IGSF5: variants seen among roughly 807,000 people sequenced by gnomAD.
IGSF5 encodes the protein immunoglobulin superfamily 5 like.
In IGSF5, 41 loss-of-function variants were observed where a neutral mutation model predicts 39.4. The ratio of observed to expected loss-of-function variants is 1.04; its 90% CI spans 0.81 to 1.35. The LOEUF (loss-of-function observed/expected upper bound fraction) is 1.35. IGSF5 is among the 40% of genes most tolerant of loss of function. IGSF5 has a pLI of 0.00. For synonymous variants in IGSF5, 183 were observed against 175.3 expected (o/e 1.04, Z -0.34); for missense variants, 487 against 494.6 (o/e 0.98, Z 0.15).
intron 2 of IGSF5, among the ~76,000 whole-genome samples, chr21:39,749,025 G>A (rs965681449): frequency 4.7e-5 from 7 of 148,746 alleles, no homozygotes; most frequent in African/African-American, 1.0e-4. Flanking sequence ...AAACATAAAA[G>A]ACAAATTAAC....
the IGSF5 span, among the ~76,000 whole-genome samples, chr21:39,713,424 T>C: frequency 6.6e-6 from 1 of 152,184 alleles, no homozygotes; most frequent in African/African-American, 2.4e-5. Flanking sequence ...TTTTTTCAAA[T>C]AGTGCATATT....
At chr21:39,739,337 G>C in the IGSF5 span, among the ~76,000 whole-genome samples, 3 of 151,982 alleles carry the variant, frequency 2.0e-5, no homozygotes, top group Non-Finnish European at 4.4e-5. Context: ...GACCCAAAGG[G>C]GGTTGCCGTT....
chr21:39,717,267 A>C, the IGSF5 span, among the ~76,000 whole-genome samples: 50 of 152,350 alleles, frequency 3.3e-4, no homozygotes, highest in African/African-American at 1.2e-3. Context: ...CATAGTTTGC[A>C]AATAGTTTTT....
the IGSF5 span, among the ~76,000 whole-genome samples, chr21:39,734,207 G>A: frequency 9.2e-5 from 14 of 152,098 alleles, no homozygotes; most frequent in Non-Finnish European, 2.1e-4. Flanking sequence ...GGTAGATCAC[G>A]AGGTCAGGAG....
At chr21:39,760,834 T>C (rs1229513276) in intron 2 of IGSF5, among the ~76,000 whole-genome samples, 40 of 152,200 alleles carry the variant, frequency 2.6e-4, no homozygotes, top group Admixed American at 2.5e-3. Context: ...CCTACCAAAG[T>C]GCTGGGATTA....
the IGSF5 span, among the ~76,000 whole-genome samples, chr21:39,719,614 AACAG>A: frequency 4.6e-5 from 7 of 152,304 alleles, no homozygotes; most frequent in East Asian, 1.4e-3. Context: ...AGACAGAAGA[AACAG>A]ACAGGAACTA....
At chr21:39,789,241 A>T (rs962098801) in intron 6 of IGSF5, among the ~76,000 whole-genome samples, 1 of 152,230 alleles carries the variant, frequency 6.6e-6, no homozygotes, top group East Asian at 1.9e-4. Flanking sequence ...TTGAAAGCAC[A>T]GTAAAGTGAT....
At chr21:39,738,244 T>C in the IGSF5 span, among the ~76,000 whole-genome samples, 2 of 152,178 alleles carry the variant, frequency 1.3e-5, no homozygotes, top group African/African-American at 2.4e-5. This position sits in a 1 kb window ranked among gnomAD's most constrained non-coding sequence, Gnocchi z 6.4. Context: ...ACCTCTTTCA[T>C]GGCAGTAGCA....
At chr21:39,757,769 G>C (rs1363325354) in intron 2 of IGSF5, among the ~76,000 whole-genome samples, 1 of 152,034 alleles carries the variant, frequency 6.6e-6, no homozygotes, top group Non-Finnish European at 1.5e-5. Context: ...TAGAGATGGG[G>C]TTTCGCCATG....
intron 8 of IGSF5, among the ~76,000 whole-genome samples, chr21:39,797,780 C>T (rs2087005757): frequency 6.6e-6 from 1 of 152,162 alleles, no homozygotes; most frequent in Non-Finnish European, 1.5e-5. Flanking sequence ...ATGGGCCTCC[C>T]AAAGCATTGG....
At chr21:39,717,410 C>G in the IGSF5 span, among the ~76,000 whole-genome samples, 1 of 152,114 alleles carries the variant, frequency 6.6e-6, no homozygotes, top group Admixed American at 6.6e-5. Context: ...GTCATGAAAT[C>G]TGCCTGTTCC....
chr21:39,779,465 T>C (rs193122544), intron 5 of IGSF5, among the ~76,000 whole-genome samples, 160 bp downstream of exon 5: 131 of 152,340 alleles, frequency 8.6e-4, no homozygotes, highest in African/African-American at 3.0e-3. Context: ...GGGATGTAAA[T>C]TGTTACAGCC....
intron 4 of IGSF5, among the ~76,000 whole-genome samples, chr21:39,772,229 G>A (rs1024503947): frequency 3.9e-5 from 6 of 152,136 alleles, no homozygotes; most frequent in Non-Finnish European, 5.9e-5. Context: ...CAAGGTGACC[G>A]GGACAGTGCT....
the IGSF5 span, among the ~76,000 whole-genome samples, chr21:39,715,967 A>C: frequency 6.6e-6 from 1 of 152,218 alleles, no homozygotes; most frequent in Non-Finnish European, 1.5e-5. Context: ...TTTCTCATTC[A>C]GTATATCACC....
chr21:39,720,866 GAATCTAA>G, the IGSF5 span, among the ~76,000 whole-genome samples: 1 of 152,016 alleles, frequency 6.6e-6, no homozygotes, highest in South Asian at 2.1e-4. Flanking sequence ...CTTTTTTTGT[GAATCTAA>G]AACTACTCTA....
Position 39,783,775 on chromosome 21 carries a change from T to C in IGSF5, c.935-4392T>C, listed in dbSNP as rs151026330. 4.0e-4 allele frequency among the ~76,000 whole-genome samples: 61 copies of C among 152,336 alleles called. 2 individuals carry two copies. In the East Asian group the frequency reaches 0.012, roughly 29 times the overall value. ...TTTGTTGCCTGTGATTTTGAAGACT[T>C]AGCCATAAAATCTTTGTCTAGGCCA... On this transcript the variant is annotated intron_variant, in intron 5 of 8. Coordinates refer to ENST00000380588, the MANE Select transcript of IGSF5 (RefSeq NM_001080444.2).
At chr21:39,787,615 A>T (rs2086931149) in intron 5 of IGSF5, among the ~76,000 whole-genome samples, 1 of 144,546 alleles carries the variant, frequency 6.9e-6, no homozygotes, top group Non-Finnish European at 1.5e-5. Context: ...CCATTGGTAC[A>T]TATTGATTGA....
At chr21:39,781,511 C>A (rs926468631) in intron 5 of IGSF5, among the ~76,000 whole-genome samples, 5 of 152,124 alleles carry the variant, frequency 3.3e-5, no homozygotes, top group Admixed American at 2.6e-4. Context: ...ATTGCTAGGT[C>A]AAAAGCTACG....
At chr21:39,745,854 G>A (rs2079971544) in intron 1 of IGSF5, among the ~76,000 whole-genome samples, 1 of 152,008 alleles carries the variant, frequency 6.6e-6, no homozygotes, top group South Asian at 2.1e-4. Context: ...TATAGCAAGC[G>A]AAAGTGGTCC....
Sources: gnomAD v4.1 joint callset for allele counts (sites outside exome capture counted in the v4.1 genomes callset) on GRCh38, gnomAD v4.1.1 for gene constraint, Gnocchi (gnomAD v3.1) non-coding constraint, MANE v1.5 for transcripts, NCBI Gene and HGNC (gene_info 2026-07-23, HGNC 2026-07-21) for gene names.